ATAD5: variants seen among roughly 807,000 people sequenced by gnomAD.
The protein encoded by ATAD5 is ATPase family AAA domain containing 5.
A neutral mutation model predicts 176.9 loss-of-function variants in ATAD5; 58 were observed. The observed-to-expected ratio is 0.33, with a 90% CI of 0.27 to 0.41. The LOEUF (loss-of-function observed/expected upper bound fraction) is 0.41, where lower values mean the gene tolerates loss of function less well. ATAD5 is among the 10% of genes least tolerant of loss of function. The pLI is 1.00. For missense variants in ATAD5, 1,789 were observed against 2,094.1 expected (o/e 0.85, Z 2.84); for synonymous variants, 640 against 712.6 (o/e 0.90, Z 1.62).
At chr17:30,884,420 T>TTTTC (rs1337995651) in intron 18 of ATAD5, among the ~76,000 whole-genome samples, 12 of 132,864 alleles carry the variant, frequency 9.0e-5, no homozygotes, top group African/African-American at 4.0e-4. Context: ...ATTTCTTTTC[T>TTTTC]TTTCTTTTTT....
At chr17:30,849,757 G>C (rs772532635) in intron 6 of ATAD5, among the ~76,000 whole-genome samples, 1 of 152,146 alleles carries the variant, frequency 6.6e-6, no homozygotes, top group Admixed American at 6.6e-5. Flanking sequence ...AAGTACAGAA[G>C]TTTGATGACG....
chr17:30,877,922 AACAG>A (rs1343641546), intron 16 of ATAD5, 77 bp from the exon 17 acceptor site: 10 of 1,017,260 alleles, frequency 9.8e-6, no homozygotes, highest in Admixed American at 9.8e-5. Flanking sequence ...TTTTGTCTCT[AACAG>A]ACATAGAATA....
intron 18 of ATAD5, among the ~76,000 whole-genome samples, chr17:30,879,925 G>A (rs1190030776): frequency 6.6e-6 from 1 of 151,864 alleles, no homozygotes; most frequent in African/African-American, 2.4e-5. Flanking sequence ...TTGGGAGGCT[G>A]AGGCAGGAAG....
intron 11 of ATAD5, among the ~76,000 whole-genome samples, chr17:30,867,857 C>T (rs1452111183): frequency 1.3e-5 from 2 of 152,172 alleles, no homozygotes; most frequent in Admixed American, 6.5e-5. Flanking sequence ...CACCTGCCTC[C>T]GCCTTCCAAA....
At chr17:30,870,077 G>A (rs1908251435) in intron 14 of ATAD5, among the ~76,000 whole-genome samples, 1 of 152,028 alleles carries the variant, frequency 6.6e-6, no homozygotes, top group Admixed American at 6.6e-5. Context: ...TTGGGCCACT[G>A]CACTCCAGCC....
intron 12 of ATAD5, among the ~76,000 whole-genome samples, chr17:30,868,996 CT>C (rs1908177655): frequency 6.6e-6 from 1 of 151,016 alleles, no homozygotes; most frequent in African/African-American, 2.4e-5. Flanking sequence ...GTCACCACAC[CT>C]GGCTAATTTT....
In ATAD5 at chr17:30,877,493, G is replaced by A. The variant is rs1237992633; in HGVS notation, c.3862G>A (p.Val1288Ile). The A allele has an allele frequency of 9.3e-6, 15 of 1,610,244 alleles. No homozygotes were observed. Among genetic ancestry groups the A allele is most frequent in the Admixed American group, 6.7e-5 (4 of 59,316 alleles). Residue 1288 changes from valine (V) to isoleucine (I), a missense_variant, in exon 16 of 23, where the codon GTT becomes ATT. By Grantham distance (29) the Val-to-Ile change is conservative. Coordinates refer to ENST00000321990, the MANE Select transcript of ATAD5 (RefSeq NM_024857.5). ...TGCAACTAATTCAAATGTCAAAGACGTTGGAGCTGAAGAACCCAGCAGAAA... is the reference window on the plus strand; with the variant it reads ...TGCAACTAATTCAAATGTCAAAGACATTGGAGCTGAAGAACCCAGCAGAAA... ...TNATNSNVKD[V>I]GAEEPSRKNA...
chr17:30,866,776 G>T (rs915210034), intron 11 of ATAD5, among the ~76,000 whole-genome samples: 4 of 151,942 alleles, frequency 2.6e-5, no homozygotes, highest in Admixed American at 1.3e-4. Context: ...GGTCGTGCCA[G>T]TGCACTCCAG....
rs1047706402 is a variant in ATAD5, at chr17:30,834,606, A to G, written c.525A>G (p.Thr175=). 2 of 1,611,666 alleles carry G rather than the reference A, an allele frequency of 1.2e-6. No homozygotes were observed. The highest frequency in any genetic ancestry group is 1.3e-5 in the African/African-American group (1 of 74,940). The change falls in exon 2 of 23, where the codon ACA becomes ACG. Residue 175 remains threonine, a synonymous_variant. Coordinates refer to ENST00000321990, the MANE Select transcript of ATAD5 (RefSeq NM_024857.5). ...TACTTGCAGAAAACATTCAAGATACAAAAAGTCAACCAAATACTATGACCT... is the reference window on the plus strand; with the variant it reads ...TACTTGCAGAAAACATTCAAGATACGAAAAGTCAACCAAATACTATGACCT... ...VEVLAENIQD[T]KSQPNTMTSL...
At chr17:30,877,572 T>A in intron 16 of ATAD5, 23 bp downstream of exon 16, 1 of 1,584,590 alleles carries the variant, frequency 6.3e-7, no homozygotes, top group Admixed American at 2.0e-5. Context: ...AAGTATACAT[T>A]TGTGAGAGCT....
chr17:30,836,839 T>C (rs56121838), intron 2 of ATAD5, among the ~76,000 whole-genome samples: 20,346 of 152,126 alleles, frequency 0.13, 1,507 homozygotes, highest in South Asian at 0.24. Flanking sequence ...AAGTACTGGG[T>C]TTACAGGTGT....
intron 6 of ATAD5, among the ~76,000 whole-genome samples, chr17:30,849,479 C>T (rs962967320): frequency 6.6e-6 from 1 of 152,150 alleles, no homozygotes; most frequent in Non-Finnish European, 1.5e-5. Context: ...CTTCATTTCT[C>T]TTTTTAATTT....
At position 30,855,308 on chromosome 17, in the gene ATAD5, T is replaced by A; in HGVS notation, c.2616T>A (p.His872Gln). Reference protein sequence around the residue: ...AVSTSFQRVVHVQQKDDGCCL... With the variant: ...AVSTSFQRVVQVQQKDDGCCL... ...GTACCAGTTTCCAGAGAGTCGTACA[T>A]GTGCAACAAAAGGATGATGGTAAGT... Residue 872 changes from histidine to glutamine, a missense_variant, in exon 7 of 23, where the codon CAT (histidine) becomes CAA (glutamine). By Grantham distance (24) the His-to-Gln change is conservative. Transcript: ENST00000321990. The A allele has an allele frequency of 6.3e-7, 1 of 1,591,524 alleles. No individual in the cohort carries two copies. The highest frequency in any genetic ancestry group is 8.5e-7 in the Non-Finnish European group (1 of 1,171,646).
At chr17:30,871,826 AAATT>A (rs1908354147) in intron 14 of ATAD5, among the ~76,000 whole-genome samples, 3 of 151,666 alleles carry the variant, frequency 2.0e-5, no homozygotes, top group African/African-American at 7.3e-5. Flanking sequence ...TTTTTTTTCT[AAATT>A]TATCAATCCT....
At chr17:30,894,397 G>C (rs575173932) in intron 21 of ATAD5, among the ~76,000 whole-genome samples, 167 bp from the exon 22 acceptor site, 1 of 149,820 alleles carries the variant, frequency 6.7e-6, no homozygotes, top group South Asian at 2.2e-4. Context: ...TTGCTGTATA[G>C]TTATTGAGAT....
chr17:30,843,081 G>A (rs1027799149), intron 4 of ATAD5, among the ~76,000 whole-genome samples: 1 of 151,850 alleles, frequency 6.6e-6, no homozygotes, highest in Non-Finnish European at 1.5e-5. Context: ...TTTGGGCCTG[G>A]TGGCTCACGC....
chr17:30,839,596 TG>T (rs1905967013), intron 3 of ATAD5, among the ~76,000 whole-genome samples: 1 of 146,766 alleles, frequency 6.8e-6, no homozygotes, highest in African/African-American at 2.5e-5. Flanking sequence ...TTTTTTTTTT[TG>T]AGATGGAGTT....
chr17:30,864,668 G>C (rs1040209825), intron 10 of ATAD5: 1 of 152,204 alleles, frequency 6.6e-6, no homozygotes, highest in Non-Finnish European at 1.5e-5. Flanking sequence ...GTGGCCTCCA[G>C]TGTCTTTTGT....
intron 11 of ATAD5, among the ~76,000 whole-genome samples, chr17:30,867,931 G>A (rs892829852): frequency 2.0e-5 from 3 of 151,556 alleles, no homozygotes; most frequent in African/African-American, 7.3e-5. Context: ...TTTAATTGCT[G>A]TATACCAGTT....
Sources: allele counts gnomAD v4.1 joint callset (sites outside exome capture counted in the v4.1 genomes callset), GRCh38; gene constraint gnomAD v4.1.1; transcripts MANE v1.5; gene names NCBI Gene and HGNC (gene_info 2026-07-23, HGNC 2026-07-21).